KANK1: variants seen among roughly 807,000 people sequenced by gnomAD.
KANK1 encodes KN motif and ankyrin repeat domains 1, also known as KN motif and ankyrin repeat domain-containing protein 1.
In KANK1, 109 loss-of-function variants were observed where a neutral mutation model predicts 106.2. The observed-to-expected ratio is 1.03, with a 90% CI of 0.88 to 1.20. The LOEUF (loss-of-function observed/expected upper bound fraction) is 1.20. KANK1 is among the 50% of genes most tolerant of loss of function. The pLI is 0.00. For synonymous variants in KANK1, 873 were observed against 652.2 expected (o/e 1.34, Z -5.16); for missense variants, 2,399 against 1,710.7 (o/e 1.40, Z -7.10).
Position 526,277 on chromosome 9 carries a change from G to A in KANK1, c.-84+21523G>A, listed in dbSNP as rs761748796. Reference sequence around the variant, plus strand: ...ACTGTTCCCCAGCCCACAGGTAGGAGCTGGTGGGCAGCACCAGCAGCAGTA... The same window carrying A: ...ACTGTTCCCCAGCCCACAGGTAGGAACTGGTGGGCAGCACCAGCAGCAGTA... On this transcript the variant is annotated intron_variant, in intron 1 of 11. Transcript: ENST00000382297. Among the ~76,000 whole-genome samples, 3 of 151,588 alleles carry A rather than the reference G, an allele frequency of 2.0e-5. No homozygotes were observed. The East Asian group carries it at 5.8e-4, about 29-fold the overall frequency.
At chr9:687,706 C>G (rs1818885233) in intron 2 of KANK1, among the ~76,000 whole-genome samples, 1 of 152,186 alleles carries the variant, frequency 6.6e-6, no homozygotes, top group Non-Finnish European at 1.5e-5. Flanking sequence ...TGCTGCCTCT[C>G]TTACCTCTCC....
intron 1 of KANK1, among the ~76,000 whole-genome samples, chr9:531,005 A>C (rs574054611): frequency 1.4e-4 from 21 of 152,194 alleles, no homozygotes; most frequent in Non-Finnish European, 2.9e-4. Context: ...TTTAAAGGAA[A>C]CTGATCATAT....
At chr9:671,139 C>T (rs905117329) in intron 1 of KANK1, among the ~76,000 whole-genome samples, 3 of 151,692 alleles carry the variant, frequency 2.0e-5, no homozygotes, top group Admixed American at 2.0e-4. Flanking sequence ...TTTTGAGTGG[C>T]AAGAATCTGA....
chr9:537,274 G>A (rs893754687), intron 1 of KANK1, among the ~76,000 whole-genome samples: 6 of 152,120 alleles, frequency 3.9e-5, no homozygotes, highest in African/African-American at 1.4e-4. Flanking sequence ...TACTGAGCAG[G>A]GTTCCCTTGG....
rs1210060804 is a variant in KANK1, at chr9:677,015, C to A, written c.37+6C>A. On this transcript the variant is annotated splice_donor_region_variant and intron_variant, in intron 2 of 11. Coordinates refer to ENST00000382297, the MANE Select transcript of KANK1 (RefSeq NM_015158.5). ...GGTTAACGGCAGTGCCTCAGGTAAC[C>A]CTGTGCTCTGGAGTTTGTGTGTTAA... 3 of 1,613,072 alleles carry A rather than the reference C, an allele frequency of 1.9e-6. No individual in the cohort carries two copies. The highest frequency in any genetic ancestry group is 3.3e-5 in the Admixed American group (2 of 59,980).
chr9:483,053 A>G (rs1419754661), intron 3 of KANK1, among the ~76,000 whole-genome samples: 1 of 152,120 alleles, frequency 6.6e-6, no homozygotes, highest in Non-Finnish European at 1.5e-5. Context: ...AGTAACCCTT[A>G]TTTTACTTAA....
At chr9:594,315 G>A (rs1825704490) in intron 1 of KANK1, among the ~76,000 whole-genome samples, 1 of 151,916 alleles carries the variant, frequency 6.6e-6, no homozygotes, top group Non-Finnish European at 1.5e-5. Flanking sequence ...AGGCTAACTA[G>A]GGGGAAAAGG....
At chr9:661,507 A>G (rs1357473171) in intron 1 of KANK1, among the ~76,000 whole-genome samples, 1 of 152,142 alleles carries the variant, frequency 6.6e-6, no homozygotes, top group Admixed American at 6.5e-5. Context: ...GCCACGTTTT[A>G]TTAATCCAGT....
intron 3 of KANK1, among the ~76,000 whole-genome samples, chr9:474,168 CCTAT>C (rs2058066560): frequency 6.6e-6 from 1 of 152,192 alleles, no homozygotes; most frequent in African/African-American, 2.4e-5. Context: ...TAGGTACCTG[CCTAT>C]CTGTCTGCCC....
At chr9:619,186 C>T (rs1204839434) in intron 1 of KANK1, among the ~76,000 whole-genome samples, 1 of 152,154 alleles carries the variant, frequency 6.6e-6, no homozygotes, top group African/African-American at 2.4e-5. Flanking sequence ...TTAAAAGGAA[C>T]AGGGGAGAGC....
At chr9:567,971 A>C (rs568633781) in intron 1 of KANK1, among the ~76,000 whole-genome samples, 1 of 152,040 alleles carries the variant, frequency 6.6e-6, no homozygotes, top group South Asian at 2.1e-4. Flanking sequence ...GAGAGTGCCA[A>C]AGTTCAACGC....
chr9:726,240 C>T (rs1471692654), intron 3 of KANK1, among the ~76,000 whole-genome samples: 4 of 152,134 alleles, frequency 2.6e-5, no homozygotes, highest in Non-Finnish European at 4.4e-5. Flanking sequence ...AGCCTTTCTT[C>T]TCTTGGTGGG....
chr9:567,868 C>G (rs1432134336), intron 1 of KANK1, among the ~76,000 whole-genome samples: 5 of 152,122 alleles, frequency 3.3e-5, no homozygotes, highest in African/African-American at 7.2e-5. Context: ...TGTTTTATAA[C>G]TTTAAGAGGC....
Position 540,935 on chromosome 9 carries a change from A to G in KANK1, c.-84+36181A>G, listed in dbSNP as rs535278228. ...GGTTTGTCAGTTTTATCTTTTCAAA[A>G]ACTCCTGGTTTCATTAATGTTCATT... On this transcript the variant is annotated intron_variant, in intron 1 of 11. Coordinates refer to ENST00000382297, the MANE Select transcript of KANK1 (RefSeq NM_015158.5). 2.0e-5 allele frequency among the ~76,000 whole-genome samples: 3 copies of G among 152,218 alleles called. No individual in the cohort carries two copies. The East Asian group carries it at 5.8e-4, about 29-fold the overall frequency.
intron 2 of KANK1, among the ~76,000 whole-genome samples, chr9:687,185 A>AGT (rs1360198492): frequency 6.6e-6 from 1 of 152,118 alleles, no homozygotes. Flanking sequence ...TATTTGGCAG[A>AGT]ATACATCTTT....
intron 3 of KANK1, among the ~76,000 whole-genome samples, chr9:475,675 A>C (rs1218926167): frequency 6.6e-6 from 1 of 152,186 alleles, no homozygotes; most frequent in Non-Finnish European, 1.5e-5. Context: ...TGACAAAATC[A>C]AAATATTTTA....
At chr9:691,533 T>A (rs954265218) in intron 2 of KANK1, among the ~76,000 whole-genome samples, 81 of 151,314 alleles carry the variant, frequency 5.4e-4, no homozygotes, top group Non-Finnish European at 8.7e-4. Context: ...AGTGCTAGGA[T>A]TGCGGGCATG....
In KANK1 at chr9:711,179, G is replaced by T. The variant is rs763137619; in HGVS notation, c.413G>T (p.Arg138Leu). Residue 138 changes from arginine (R) to leucine (L), a missense_variant, in exon 3 of 12, where the codon CGA becomes CTA. Arg to Leu is a moderately radical substitution (Grantham distance 102, BLOSUM62 -2). Coordinates refer to ENST00000382297, the MANE Select transcript of KANK1 (RefSeq NM_015158.5). Reference sequence around the variant, plus strand: ...CCTTTTCTTACCATCCCAGAAAATCGACAGCTGCCACCTCCCTCACCACAA... The same window carrying T: ...CCTTTTCTTACCATCCCAGAAAATCTACAGCTGCCACCTCCCTCACCACAA... The part of the protein sequence containing the change: ...SLPFLTIPEN[R>L]QLPPPSPQLP... The T allele has an allele frequency of 1.9e-5, 31 of 1,613,882 alleles. No homozygotes were observed. Among genetic ancestry groups the T allele is most frequent in the Middle Eastern group, 3.3e-4 (2 of 6,084 alleles).
chr9:585,227 G>A (rs7045827), intron 1 of KANK1, among the ~76,000 whole-genome samples: 2,203 of 152,200 alleles, frequency 0.014, 63 homozygotes, highest in African/African-American at 0.051. Context: ...TCATCTTCAG[G>A]TAAAACTCTA....
Sources: gnomAD v4.1 joint callset for allele counts (sites outside exome capture counted in the v4.1 genomes callset) on GRCh38, gnomAD v4.1.1 for gene constraint, MANE v1.5 for transcripts, NCBI Gene and HGNC (gene_info 2026-07-23, HGNC 2026-07-21) for gene names.